ZMAT4: variants seen among roughly 807,000 people sequenced by gnomAD.
ZMAT4 encodes zinc finger matrin-type protein 4.
Under a neutral mutation model 28.7 loss-of-function variants are expected in ZMAT4, and 17 were observed. The ratio of observed to expected loss-of-function variants is 0.59; its 90% CI spans 0.41 to 0.89. The LOEUF (loss-of-function observed/expected upper bound fraction) is 0.89, where lower values mean the gene tolerates loss of function less well. Ranked by LOEUF, ZMAT4 falls within the 40% of genes least tolerant of loss-of-function variation. The pLI is 0.00. For missense variants in ZMAT4, 240 were observed against 283.8 expected, an observed-to-expected ratio of 0.85 and a Z score of 1.11; for synonymous variants, 117 against 109.2, an observed-to-expected ratio of 1.07 and a Z score of -0.44.
At chr8:40,723,635 G>T (rs981879310) in intron 3 of ZMAT4, among the ~76,000 whole-genome samples, 1 of 151,772 alleles carries the variant, frequency 6.6e-6, no homozygotes, top group Non-Finnish European at 1.5e-5. Context: ...AATTAATGAG[G>T]ATTGGTGGAA....
At chr8:40,675,976 C>A (rs1808890958) in intron 4 of ZMAT4, among the ~76,000 whole-genome samples, 1 of 152,048 alleles carries the variant, frequency 6.6e-6, no homozygotes, top group Admixed American at 6.6e-5. Flanking sequence ...TATTTCTGGT[C>A]CAGAAAACAA....
chr8:40,714,775 G>A (rs2150511140), intron 3 of ZMAT4, among the ~76,000 whole-genome samples: 1 of 152,232 alleles, frequency 6.6e-6, no homozygotes, highest in East Asian at 1.9e-4. Flanking sequence ...AATAGTCCGG[G>A]GGCAGTGGCT....
intron 3 of ZMAT4, among the ~76,000 whole-genome samples, chr8:40,740,753 TG>T (rs1811966289): frequency 6.6e-6 from 1 of 152,220 alleles, no homozygotes; most frequent in South Asian, 2.1e-4. Flanking sequence ...GTGAAAAATC[TG>T]TGTGCTCTAA....
At chr8:40,835,702 C>G (rs777061795) in intron 1 of ZMAT4, among the ~76,000 whole-genome samples, 17 of 152,206 alleles carry the variant, frequency 1.1e-4, no homozygotes, top group Non-Finnish European at 4.4e-5. Context: ...AGTTCTGCAC[C>G]TGTATTCAAC....
chr8:40,888,242 G>A (rs981222946), intron 1 of ZMAT4, among the ~76,000 whole-genome samples: 11 of 152,154 alleles, frequency 7.2e-5, no homozygotes, highest in African/African-American at 2.4e-4. Context: ...TGACAGGTAG[G>A]GCTGTATTTG....
At chr8:40,881,617 G>T in intron 1 of ZMAT4, among the ~76,000 whole-genome samples, 1 of 150,360 alleles carries the variant, frequency 6.7e-6, no homozygotes, top group South Asian at 2.1e-4. Context: ...AGAAAAGAGA[G>T]AGAGAAAGAA....
intron 5 of ZMAT4, among the ~76,000 whole-genome samples, chr8:40,601,450 A>AAGGAAGGAAGGG (rs1805310786): frequency 1.1e-5 from 1 of 87,736 alleles, no homozygotes; most frequent in Non-Finnish European, 2.4e-5. Flanking sequence ...GGAAGGAAGG[A>AAGGAAGGAAGGG]AGGAAGGGAG....
chr8:40,762,751 C>G (rs1246499492), intron 3 of ZMAT4, among the ~76,000 whole-genome samples: 1 of 152,124 alleles, frequency 6.6e-6, no homozygotes, highest in Non-Finnish European at 1.5e-5. Flanking sequence ...ATGAGATAGG[C>G]AAGGAAGAGG....
At chr8:40,742,353 T>G (rs1230562362) in intron 3 of ZMAT4, among the ~76,000 whole-genome samples, 2 of 150,422 alleles carry the variant, frequency 1.3e-5, no homozygotes. Context: ...GTGGTTTATA[T>G]ATATAAATAT....
intron 5 of ZMAT4, among the ~76,000 whole-genome samples, chr8:40,597,999 CT>C (rs1167828054): frequency 6.6e-6 from 1 of 152,028 alleles, no homozygotes; most frequent in Non-Finnish European, 1.5e-5. Context: ...AGTAATATGC[CT>C]TTTCCAAAAG....
chr8:40,730,114 A>G (rs1044701678), intron 3 of ZMAT4, among the ~76,000 whole-genome samples: 2 of 152,234 alleles, frequency 1.3e-5, no homozygotes, highest in African/African-American at 2.4e-5. Context: ...AGAAATGTAA[A>G]TGAAACATTT....
intron 2 of ZMAT4, among the ~76,000 whole-genome samples, chr8:40,811,991 C>T (rs1256719721): frequency 6.7e-6 from 1 of 150,176 alleles, no homozygotes; most frequent in African/African-American, 2.5e-5. Context: ...ATTAGCCAGG[C>T]GTGGTGGTGC....
intron 6 of ZMAT4, among the ~76,000 whole-genome samples, chr8:40,535,494 C>A (rs1017699033): frequency 1.3e-5 from 2 of 151,932 alleles, no homozygotes; most frequent in African/African-American, 2.4e-5. Context: ...CATGGTGAAA[C>A]CCTGTCTCTA....
intron 5 of ZMAT4, among the ~76,000 whole-genome samples, chr8:40,599,385 A>G (rs1375605255): frequency 6.9e-6 from 1 of 144,778 alleles, no homozygotes; most frequent in African/African-American, 2.5e-5. Flanking sequence ...GCACATATAT[A>G]TGTGTGTGTG....
At chr8:40,637,150 A>G (rs1241227216) in intron 5 of ZMAT4, among the ~76,000 whole-genome samples, 1 of 152,142 alleles carries the variant, frequency 6.6e-6, no homozygotes, top group East Asian at 1.9e-4. Context: ...AAGTCCTGAA[A>G]TGTCTTCTCT....
intron 2 of ZMAT4, among the ~76,000 whole-genome samples, chr8:40,810,055 A>G (rs2150595286): frequency 6.6e-6 from 1 of 152,266 alleles, no homozygotes; most frequent in East Asian, 1.9e-4. Flanking sequence ...AAACAAACAA[A>G]CAAACAAACA....
intron 2 of ZMAT4, among the ~76,000 whole-genome samples, chr8:40,787,201 C>T (rs968684790): frequency 6.6e-6 from 1 of 152,164 alleles, no homozygotes; most frequent in Non-Finnish European, 1.5e-5. Flanking sequence ...AAATCAATGA[C>T]CTCAGCTTGC....
At chr8:40,730,645 CAT>C (rs1189343344) in intron 3 of ZMAT4, among the ~76,000 whole-genome samples, 2 of 152,102 alleles carry the variant, frequency 1.3e-5, no homozygotes, top group Non-Finnish European at 2.9e-5. Context: ...GTGGGATTGA[CAT>C]AGCCTGGTGG....
intron 6 of ZMAT4, among the ~76,000 whole-genome samples, chr8:40,534,747 A>G (rs952399420): frequency 7.0e-6 from 1 of 143,518 alleles, no homozygotes; most frequent in African/African-American, 2.5e-5. Flanking sequence ...CAGTGGCACA[A>G]TCTCAGCTCA....
Sources: gnomAD v4.1 joint callset for allele counts (sites outside exome capture counted in the v4.1 genomes callset) on GRCh38, gnomAD v4.1.1 for gene constraint, MANE v1.5 for transcripts, NCBI Gene and HGNC (gene_info 2026-07-23, HGNC 2026-07-21) for gene names.